The following DCAF6 variants were observed in gnomAD, a reference collection of about 807,000 sequenced individuals.
DCAF6 encodes the protein DDB1 and CUL4 associated factor 6.
A neutral mutation model predicts 125.1 loss-of-function variants in DCAF6; 54 were observed. That is an observed-to-expected ratio of 0.43 (90% CI 0.35 to 0.54). DCAF6 has a LOEUF of 0.54. Among genes scored for constraint, DCAF6 ranks in the 20% least tolerant of loss-of-function variants. The pLI, the probability that DCAF6 is intolerant of heterozygous loss-of-function variation, is 0.01. For missense variants in DCAF6, 934 were observed against 1,161.7 expected, an observed-to-expected ratio of 0.80 and a Z score of 2.85; for synonymous variants, 371 against 390.4, an observed-to-expected ratio of 0.95 and a Z score of 0.58.
chr1:168,037,611 TTAA>T (rs1688005789), intron 12 of DCAF6, among the ~76,000 whole-genome samples: 1 of 152,178 alleles, frequency 6.6e-6, no homozygotes, highest in Non-Finnish European at 1.5e-5. Context: ...AAATACTCTA[TTAA>T]TTTGTGTAGG....
upstream of DCAF6, among the ~76,000 whole-genome samples, chr1:167,933,417 T>G (rs902959744): frequency 1.3e-5 from 2 of 152,164 alleles, no homozygotes; most frequent in African/African-American, 4.8e-5. Context: ...TCCACCCACC[T>G]CAGCCTCCCA....
At chr1:168,035,145 G>A (rs775011701) in intron 12 of DCAF6, among the ~76,000 whole-genome samples, 10 of 152,142 alleles carry the variant, frequency 6.6e-5, no homozygotes, top group Non-Finnish European at 1.3e-4. Flanking sequence ...AATATATACT[G>A]TCACTAATAC....
At chr1:167,956,766 TTTCA>T (rs1357849657) in intron 2 of DCAF6, among the ~76,000 whole-genome samples, 1 of 152,134 alleles carries the variant, frequency 6.6e-6, no homozygotes, top group African/African-American at 2.4e-5. Flanking sequence ...GCATTTTTAT[TTTCA>T]TTGAGTTCAA....
intron 2 of DCAF6, among the ~76,000 whole-genome samples, chr1:167,961,242 G>A (rs1016172912): frequency 3.3e-5 from 5 of 151,258 alleles, no homozygotes; most frequent in African/African-American, 9.7e-5. Context: ...GTTTTATTTT[G>A]TTTTGTTTTG....
chr1:168,065,479 G>GT, intron 18 of DCAF6, 111 bp from the exon 19 acceptor site: 6 of 906,634 alleles, frequency 6.6e-6, no homozygotes, highest in Non-Finnish European at 9.7e-6. Context: ...TTCTAAGCCA[G>GT]TTTTTTAAAA....
rs202187604 is a variant in DCAF6 at position 168,044,939 on chromosome 1, A to G, written c.1970A>G (p.Asn657Ser). The change falls in exon 16 of 22, where the codon AAC (asparagine) becomes AGC (serine). Residue 657 changes from asparagine (N) to serine (S), a missense_variant. Physicochemically the swap from Asn to Ser is conservative, Grantham distance 46. Around this residue, in one of 5 missense-constraint regions of DCAF6, gnomAD observed 559 missense variants for 635.5 expected, o/e 0.88. Transcript: ENST00000367840. ...TTCACAGCCAAGCCATTGGATTCCA[A>G]CTCAGGAGAAAGAAATGACCTCAAT... ...DKFTAKPLDS[N>S]SGERNDLNLD... The G allele has an allele frequency of 5.5e-5, 88 of 1,613,946 alleles. No individual in the cohort carries two copies. Among genetic ancestry groups the G allele is most frequent in the Non-Finnish European group, 6.0e-5 (71 of 1,179,958 alleles).
chr1:167,952,299 G>A (rs1674081791), intron 2 of DCAF6, among the ~76,000 whole-genome samples: 1 of 151,986 alleles, frequency 6.6e-6, no homozygotes, highest in Non-Finnish European at 1.5e-5. Flanking sequence ...CTCCCTGCAA[G>A]CTCCGCCTCC....
the DCAF6 span, among the ~76,000 whole-genome samples, chr1:167,911,283 T>C: frequency 6.6e-6 from 1 of 152,238 alleles, no homozygotes; most frequent in Non-Finnish European, 1.5e-5. Flanking sequence ...GTAACTTATC[T>C]TAAAAGCAAA....
At chr1:167,941,685 T>C (rs1672265267) in intron 1 of DCAF6, among the ~76,000 whole-genome samples, 1 of 152,186 alleles carries the variant, frequency 6.6e-6, no homozygotes, top group African/African-American at 2.4e-5. Flanking sequence ...TAATTTAATG[T>C]TGCTTCAGGT....
chr1:167,993,233 T>C lies in DCAF6; in HGVS notation c.696T>C (p.Tyr232=), dbSNP rs930797531. Residue 232 remains tyrosine (Y), a synonymous_variant, in exon 7 of 22, where the codon TAT becomes TAC. Coordinates refer to ENST00000367840, the MANE Select transcript of DCAF6 (RefSeq NM_001198956.2). The stretch of plus-strand genomic sequence containing the variant: ...TTCTTGTTTCTTTTTTAGGGAATTA[T>C]GCAGGTCGAGGGACTACTGGAATGG... ...RMLGTRATGN[Y]AGRGTTGMVA... 1.9e-6 allele frequency: 3 copies of C among 1,612,754 alleles called. No homozygotes were observed. The highest frequency in any genetic ancestry group is 2.2e-5 in the East Asian group (1 of 44,866).
the DCAF6 span, among the ~76,000 whole-genome samples, chr1:167,895,136 C>T: frequency 2.0e-5 from 3 of 150,080 alleles, no homozygotes; most frequent in East Asian, 3.9e-4. Context: ...GAGCCCATAT[C>T]GCGCCAGTGC....
chr1:167,915,799 T>C, the DCAF6 span, among the ~76,000 whole-genome samples: 7 of 152,194 alleles, frequency 4.6e-5, no homozygotes, highest in African/African-American at 1.7e-4. Flanking sequence ...GACCAGGCAC[T>C]GTGTTAAAAC....
chr1:168,064,015 G>GTT (rs11295033), intron 18 of DCAF6: 123 of 121,202 alleles, frequency 1.0e-3, no homozygotes, highest in Non-Finnish European at 1.1e-3. Context: ...CATTGCTTTT[G>GTT]TTTTTTTTTT....
chr1:167,919,962 A>G, the DCAF6 span: 2 of 1,574,268 alleles, frequency 1.3e-6, no homozygotes, highest in Non-Finnish European at 1.7e-6. Flanking sequence ...TTTTAAAAAT[A>G]TCTCTGGTAG....
the DCAF6 span, chr1:167,901,963 C>T: frequency 1.7e-4 from 278 of 1,609,822 alleles, no homozygotes; most frequent in South Asian, 7.7e-5. Context: ...CACAGAAGCA[C>T]AGGCACCTCA....
chr1:167,949,711 G>A (rs918801569), intron 1 of DCAF6, among the ~76,000 whole-genome samples: 1 of 152,142 alleles, frequency 6.6e-6, no homozygotes, highest in African/African-American at 2.4e-5. Context: ...TCCAAGAAAG[G>A]TAGCAGTCCA....
At chr1:168,030,033 G>A (rs549610195) in intron 12 of DCAF6, among the ~76,000 whole-genome samples, 51 of 151,994 alleles carry the variant, frequency 3.4e-4, no homozygotes, top group Middle Eastern at 3.4e-3. Context: ...GCTAGTAAGC[G>A]TTAGAAACGT....
chr1:167,990,427 G>A (rs1180416743), intron 5 of DCAF6, among the ~76,000 whole-genome samples: 1 of 152,130 alleles, frequency 6.6e-6, no homozygotes, highest in Non-Finnish European at 1.5e-5. Context: ...TGAGAGATTT[G>A]TCATAGGTAG....
intron 12 of DCAF6, among the ~76,000 whole-genome samples, chr1:168,027,245 C>T (rs951154674): frequency 6.6e-6 from 1 of 151,908 alleles, no homozygotes; most frequent in African/African-American, 2.4e-5. Flanking sequence ...TTTTCATAAG[C>T]CCAATTAAGA....
Sources: allele counts gnomAD v4.1 joint callset (sites outside exome capture counted in the v4.1 genomes callset), GRCh38; gene constraint gnomAD v4.1.1; regional missense constraint gnomAD v4.1.1; transcripts MANE v1.5; gene names NCBI Gene and HGNC (gene_info 2026-07-23, HGNC 2026-07-21).